The following LRFN5 variants were observed in gnomAD, a reference collection of about 807,000 sequenced individuals.
LRFN5 encodes leucine-rich repeat and fibronectin type-III domain-containing protein 5.
LRFN5 carries 24 observed loss-of-function variants against 45.6 expected under a neutral mutation model. The observed-to-expected ratio is 0.53, with a 90% CI of 0.38 to 0.74. The LOEUF is 0.74. LRFN5 is among the 30% of genes least tolerant of loss of function. The pLI is 0.00. For missense variants in LRFN5, 776 were observed against 861.5 expected, an observed-to-expected ratio of 0.90 and a Z score of 1.24; for synonymous variants, 340 against 313.8, an observed-to-expected ratio of 1.08 and a Z score of -0.88.
At chr14:41,663,659 C>A (rs1159511197) in intron 1 of LRFN5, among the ~76,000 whole-genome samples, 1 of 151,844 alleles carries the variant, frequency 6.6e-6, no homozygotes, top group Non-Finnish European at 1.5e-5. Flanking sequence ...CTTCATTTGC[C>A]AGCATATCCT....
At chr14:41,630,361 T>A (rs1888491609) in intron 1 of LRFN5, among the ~76,000 whole-genome samples, 1 of 152,122 alleles carries the variant, frequency 6.6e-6, no homozygotes, top group South Asian at 2.1e-4. Flanking sequence ...ATTCAATAAA[T>A]ACTGTAAATA....
chr14:41,654,112 G>T (rs1196173785), intron 1 of LRFN5, among the ~76,000 whole-genome samples: 1 of 151,882 alleles, frequency 6.6e-6, no homozygotes, highest in African/African-American at 2.4e-5. Flanking sequence ...ATGAGTTAAT[G>T]GGTGCAGCAC....
chr14:41,655,069 A>C (rs1331836666), intron 1 of LRFN5, among the ~76,000 whole-genome samples: 1 of 152,066 alleles, frequency 6.6e-6, no homozygotes, highest in African/African-American at 2.4e-5. Flanking sequence ...TTGTTAATTC[A>C]GTCGTTTGTT....
chr14:41,722,785 T>A (rs1166401508), intron 1 of LRFN5, among the ~76,000 whole-genome samples: 1 of 152,162 alleles, frequency 6.6e-6, no homozygotes, highest in Non-Finnish European at 1.5e-5. Flanking sequence ...TTAATTCTTG[T>A]TTACTGGGAG....
At chr14:41,817,852 A>G (rs965583178) in intron 2 of LRFN5, among the ~76,000 whole-genome samples, 1 of 152,082 alleles carries the variant, frequency 6.6e-6, no homozygotes, top group African/African-American at 2.4e-5. Context: ...GCCTCCAGCA[A>G]TTTATCAGTC....
chr14:41,608,784 T>C (rs1887608643), intron 1 of LRFN5, among the ~76,000 whole-genome samples: 1 of 152,214 alleles, frequency 6.6e-6, no homozygotes. Flanking sequence ...GCTTTGAGAA[T>C]ATGGATGTGC....
chr14:41,716,921 G>T (rs530446524), intron 1 of LRFN5, among the ~76,000 whole-genome samples: 2 of 152,252 alleles, frequency 1.3e-5, no homozygotes, highest in Admixed American at 6.5e-5. Context: ...TCTCCTTCAA[G>T]TCAGAGCCCA....
At chr14:41,643,018 T>C (rs975319582) in intron 1 of LRFN5, among the ~76,000 whole-genome samples, 1 of 152,190 alleles carries the variant, frequency 6.6e-6, no homozygotes, top group African/African-American at 2.4e-5. Flanking sequence ...GAGCTTTACA[T>C]AATCAGTGTG....
chr14:41,699,780 A>C (rs1006358953), intron 1 of LRFN5: 2 of 152,132 alleles, frequency 1.3e-5, no homozygotes, highest in African/African-American at 4.8e-5. Context: ...GATATCATCA[A>C]CAGAACATTT....
intron 4 of LRFN5, chr14:41,892,843 C>T (rs959832812): frequency 2.1e-5 from 21 of 985,142 alleles, no homozygotes; most frequent in Non-Finnish European, 2.5e-5. Context: ...TCCTATGCAT[C>T]TACATGGACA....
intron 2 of LRFN5, among the ~76,000 whole-genome samples, chr14:41,865,147 A>G (rs561633798): frequency 3.3e-5 from 5 of 152,238 alleles, no homozygotes; most frequent in African/African-American, 9.6e-5. Flanking sequence ...GTGTATTTAC[A>G]AAGTTGTGCC....
chr14:41,822,689 T>C (rs1384033076), intron 2 of LRFN5, among the ~76,000 whole-genome samples: 1 of 152,040 alleles, frequency 6.6e-6, no homozygotes, highest in Non-Finnish European at 1.5e-5. Context: ...TTAAGTACTC[T>C]GTTTCCTTGT....
At chr14:41,845,026 A>G (rs1477690366) in intron 2 of LRFN5, among the ~76,000 whole-genome samples, 1 of 152,162 alleles carries the variant, frequency 6.6e-6, no homozygotes, top group African/African-American at 2.4e-5. Flanking sequence ...TCGTATTTTA[A>G]TACAGAAATT....
intron 1 of LRFN5, among the ~76,000 whole-genome samples, chr14:41,763,513 C>T (rs1885754718): frequency 6.6e-6 from 1 of 152,178 alleles, no homozygotes. Flanking sequence ...GCTTTGTCCT[C>T]ACCCAAATCT....
intron 1 of LRFN5, among the ~76,000 whole-genome samples, chr14:41,647,550 G>T (rs1190071108): frequency 6.6e-6 from 1 of 152,140 alleles, no homozygotes; most frequent in Non-Finnish European, 1.5e-5. Flanking sequence ...GTAACTGAAG[G>T]GGGCAGAGAA....
At chr14:41,723,757 CTT>C (rs1883820211) in intron 1 of LRFN5, among the ~76,000 whole-genome samples, 2 of 152,122 alleles carry the variant, frequency 1.3e-5, no homozygotes, top group African/African-American at 4.8e-5. Flanking sequence ...TACTGAGCCA[CTT>C]TTCACAGTTC....
intron 2 of LRFN5, among the ~76,000 whole-genome samples, chr14:41,778,247 T>C (rs1886363397): frequency 6.6e-6 from 1 of 151,780 alleles, no homozygotes; most frequent in African/African-American, 2.4e-5. Context: ...ATTAGGCATG[T>C]GTTTCATAAT....
chr14:41,817,923 G>T (rs192785046), intron 2 of LRFN5, among the ~76,000 whole-genome samples: 266 of 151,952 alleles, frequency 1.8e-3, no homozygotes, highest in African/African-American at 6.1e-3. Flanking sequence ...CTTGGTTTCT[G>T]CTCTAGCAAG....
At chr14:41,838,858 C>T (rs951969733) in intron 2 of LRFN5, among the ~76,000 whole-genome samples, 5 of 152,078 alleles carry the variant, frequency 3.3e-5, no homozygotes, top group Non-Finnish European at 7.4e-5. Flanking sequence ...ATTTTCTTGG[C>T]TCATTGCCTC....
Sources: allele counts gnomAD v4.1 joint callset (sites outside exome capture counted in the v4.1 genomes callset), GRCh38; gene constraint gnomAD v4.1.1; transcripts MANE v1.5; gene names NCBI Gene and HGNC (gene_info 2026-07-23, HGNC 2026-07-21).